MOB3A: variants seen among roughly 807,000 people sequenced by gnomAD.
MOB3A encodes MOB kinase activator 3A.
In MOB3A, 17 loss-of-function variants were observed where a neutral mutation model predicts 17.8. The observed-to-expected ratio is 0.95, with a 90% CI of 0.65 to 1.43. MOB3A has a LOEUF of 1.43. Ranked by LOEUF, MOB3A falls within the 40% of genes most tolerant of loss-of-function variation. MOB3A has a pLI of 0.00. For missense variants in MOB3A, 333 were observed against 310.8 expected (o/e 1.07, Z -0.54); for synonymous variants, 124 against 133.2 (o/e 0.93, Z 0.48).
At chr19:2,086,300 A>C (rs1275013050) in intron 1 of MOB3A, among the ~76,000 whole-genome samples, 1 of 151,670 alleles carries the variant, frequency 6.6e-6, no homozygotes. Flanking sequence ...TCGGCCTCCC[A>C]AAGTGCTGGG....
At position 2,078,837 on chromosome 19, in the gene MOB3A, C is replaced by T. The variant is rs181281700; in HGVS notation, c.-119-158G>A. On this transcript the variant is annotated intron_variant, in intron 2 of 4. Transcript: ENST00000357066. ...ACAGTGGTGCCATCACAGCTCACTGCAACCTCTGCCTCCCAGGCCCAAGCG... is the reference window on the plus strand; with the variant it reads ...ACAGTGGTGCCATCACAGCTCACTGTAACCTCTGCCTCCCAGGCCCAAGCG... 408 of 359,210 alleles carry T rather than the reference C, an allele frequency of 1.1e-3. 2 individuals are homozygous for T. Among genetic ancestry groups the T allele is most frequent in the African/African-American group, 8.0e-3 (379 of 47,364 alleles). The allele number at this position is 359,210 out of a possible 1,614,324, so 22.3% of individuals were successfully genotyped here.
chr19:2,076,655 G>A (rs1355619645), intron 4 of MOB3A, among the ~76,000 whole-genome samples, 156 bp downstream of exon 4: 1 of 152,146 alleles, frequency 6.6e-6, no homozygotes, highest in Non-Finnish European at 1.5e-5. Context: ...CTCACCACTT[G>A]TCCCATCAGC....
At chr19:2,095,725 T>A (rs2017678501) in intron 1 of MOB3A, among the ~76,000 whole-genome samples, 1 of 151,270 alleles carries the variant, frequency 6.6e-6, no homozygotes. Context: ...GCCGCCTGAG[T>A]TCGCCCTTCC....
rs2144926537 is a variant in MOB3A at position 2,082,487 on chromosome 19, A to G, written c.-120+2688T>C. On this transcript the variant is annotated intron_variant, in intron 2 of 4. Transcript: ENST00000357066. This position sits in a 1 kb window ranked among gnomAD's most constrained non-coding sequence, Gnocchi z 4.1. Reference sequence around the variant, plus strand: ...TGATTCTACAGCAGTGTCTCACGCCACAGAGCTAGTGGGTGGATCGGCTGG... The same window carrying G: ...TGATTCTACAGCAGTGTCTCACGCCGCAGAGCTAGTGGGTGGATCGGCTGG... Among the ~76,000 whole-genome samples, 1 of 152,330 alleles carries G rather than the reference A, an allele frequency of 6.6e-6. No homozygotes were observed. Among genetic ancestry groups the G allele is most frequent in the Middle Eastern group, 3.4e-3 (1 of 294 alleles).
Position 2,084,648 on chromosome 19 carries a change from T to TG in MOB3A, c.-120+526dup, listed in dbSNP as rs1350616491. 4.6e-5 allele frequency among the ~76,000 whole-genome samples: 7 copies of TG among 151,858 alleles called. No individual in the cohort carries two copies. In the East Asian group the frequency reaches 7.8e-4, roughly 17 times the overall value. On this transcript the variant is annotated intron_variant, in intron 2 of 4. Coordinates refer to ENST00000357066, the MANE Select transcript of MOB3A (RefSeq NM_130807.3). ...CTCTGTCGCCCAGGCTGGAGTGCAG[T>TG]GGCATGATCTTGGCTCACTGCAAAC...
Position 2,084,259 on chromosome 19 carries a change from G to C in MOB3A, c.-120+916C>G, listed in dbSNP as rs541125372. 3.6e-3 allele frequency: 1,572 copies of C among 436,876 alleles called. 3 individuals carry two copies. The highest frequency in any genetic ancestry group is 5.0e-3 in the Non-Finnish European group (1,081 of 216,390). The allele number at this position is 436,876 out of a possible 1,614,324, so 27.1% of individuals were successfully genotyped here. ...TGTAATCCCTGCACTTTGGGAGGCC[G>C]AGGTGGGTGGATCACTTGAGGTCAG... On this transcript the variant is annotated intron_variant, in intron 2 of 4. Transcript: ENST00000357066.
intron 1 of MOB3A, among the ~76,000 whole-genome samples, chr19:2,094,966 C>T (rs898181575): frequency 1.3e-5 from 2 of 152,116 alleles, no homozygotes; most frequent in Non-Finnish European, 2.9e-5. Context: ...AGGTCAGGAG[C>T]TCAAGACCAG....
rs1322760872 is a variant in MOB3A, at chr19:2,093,682, G to A, written c.-274+2544C>T. On this transcript the variant is annotated intron_variant, in intron 1 of 4. Transcript: ENST00000357066. This position sits in a 1 kb window ranked among gnomAD's most constrained non-coding sequence, Gnocchi z 4.6. ...CAATTCGGACCAGCCACATTGCAAG[G>A]CCTCCACAGCCACAGGTAGTAAGCT... Among the ~76,000 whole-genome samples, 1 of 152,094 alleles carries A rather than the reference G, an allele frequency of 6.6e-6. No individual in the cohort carries two copies. The highest frequency in any genetic ancestry group is 2.4e-5 in the African/African-American group (1 of 41,412).
At chr19:2,076,357 G>C (rs1269836196) in intron 4 of MOB3A, among the ~76,000 whole-genome samples, 1 of 151,942 alleles carries the variant, frequency 6.6e-6, no homozygotes, top group African/African-American at 2.4e-5. Context: ...ACTTGAACTC[G>C]GGAGGCGGAG....
At chr19:2,080,187 C>A (rs1317531768) in intron 2 of MOB3A, among the ~76,000 whole-genome samples, 1 of 152,160 alleles carries the variant, frequency 6.6e-6, no homozygotes, top group Non-Finnish European at 1.5e-5. Context: ...GACTGTGACA[C>A]TTGGGGCAAG....
At position 2,093,341 on chromosome 19, in the gene MOB3A, C is replaced by T. The variant is rs559690881; in HGVS notation, c.-274+2885G>A. Among the ~76,000 whole-genome samples the T allele has an allele frequency of 6.6e-6, 1 of 152,080 alleles. No homozygotes were observed. The highest frequency in any genetic ancestry group is 2.1e-4 in the South Asian group (1 of 4,796). On this transcript the variant is annotated intron_variant, in intron 1 of 4. Coordinates refer to ENST00000357066, the MANE Select transcript of MOB3A (RefSeq NM_130807.3). This position sits in a 1 kb window ranked among gnomAD's most constrained non-coding sequence, Gnocchi z 4.6. ...CCCGGGTAAATTTTGTATTCCTCAG[C>T]CGATGAGCTCTGTTCCTGTCTTCCT...
At chr19:2,081,357 G>A (rs1298715054) in intron 2 of MOB3A, among the ~76,000 whole-genome samples, 2 of 152,182 alleles carry the variant, frequency 1.3e-5, no homozygotes, top group African/African-American at 4.8e-5. Flanking sequence ...GGAGGCCGAG[G>A]CGGGTGGATC....
chr19:2,078,457 G>T lies in MOB3A; in HGVS notation c.104C>A (p.Ala35Glu), dbSNP rs1316038193. The change falls in exon 3 of 5, where the codon GCG becomes GAG. Residue 35 changes from alanine to glutamate, a missense_variant. Transcript: ENST00000357066. ...CAGCCCGGCGTTCAGCGACGCCTGC[G>T]CCTTCTTGTGCAGCTCGAAGCGCTG... ...GTQRFELHKK[A>E]QASLNAGLDL... 3 of 1,612,598 alleles carry T rather than the reference G, an allele frequency of 1.9e-6. No individual in the cohort carries two copies. Among genetic ancestry groups the T allele is most frequent in the African/African-American group, 1.3e-5 (1 of 74,902 alleles).
intron 1 of MOB3A, among the ~76,000 whole-genome samples, chr19:2,094,403 C>CA (rs1454449553): frequency 1.3e-5 from 2 of 152,156 alleles, no homozygotes; most frequent in Non-Finnish European, 2.9e-5. Flanking sequence ...AATAAACATC[C>CA]AGCTTCCCCT....
chr19:2,077,051 C>G (rs2017420576), intron 3 of MOB3A, 38 bp from the exon 4 acceptor site: 1 of 1,569,704 alleles, frequency 6.4e-7, no homozygotes. Context: ...ACGGACTCAG[C>G]CAAGTCCATG....
chr19:2,077,055 G>A (rs1328204160), intron 3 of MOB3A, 42 bp from the exon 4 acceptor site: 5 of 1,556,282 alleles, frequency 3.2e-6, no homozygotes, highest in Admixed American at 3.5e-5. Flanking sequence ...ACTCAGCCAA[G>A]TCCATGTCCA....
At chr19:2,073,733 A>G (rs2017369402) in intron 4 of MOB3A, among the ~76,000 whole-genome samples, 1 of 152,148 alleles carries the variant, frequency 6.6e-6, no homozygotes, top group East Asian at 1.9e-4. Context: ...CTCGCTGCCA[A>G]TAAAACTGTA....
chr19:2,083,902 G>A (rs2017520479), intron 2 of MOB3A, among the ~76,000 whole-genome samples: 2 of 152,088 alleles, frequency 1.3e-5, no homozygotes, highest in Non-Finnish European at 2.9e-5. Flanking sequence ...TGAGCCTCAG[G>A]GAGAAAGCGG....
At chr19:2,079,625 G>A (rs1399862625) in intron 2 of MOB3A, among the ~76,000 whole-genome samples, 4 of 152,300 alleles carry the variant, frequency 2.6e-5, no homozygotes, top group Admixed American at 6.5e-5. Context: ...CCACACCTTC[G>A]TCTCAGACGT....
Sources: gnomAD v4.1 joint callset for allele counts (sites outside exome capture counted in the v4.1 genomes callset) on GRCh38, gnomAD v4.1.1 for gene constraint, Gnocchi (gnomAD v3.1) non-coding constraint, MANE v1.5 for transcripts, NCBI Gene and HGNC (gene_info 2026-07-23, HGNC 2026-07-21) for gene names.